The following CTNND1 variants were observed in gnomAD, a reference collection of about 807,000 sequenced individuals.
CTNND1 encodes catenin delta 1, also known as catenin delta-1.
Under a neutral mutation model 112.1 loss-of-function variants are expected in CTNND1, and 16 were observed. The observed-to-expected ratio is 0.14, with a 90% CI of 0.10 to 0.22. The LOEUF (loss-of-function observed/expected upper bound fraction) is 0.22. CTNND1 is among the 10% of genes least tolerant of loss of function. CTNND1 has a pLI of 1.00. For missense variants in CTNND1, 1,008 were observed against 1,257.0 expected, an observed-to-expected ratio of 0.80 and a Z score of 3.00; for synonymous variants, 420 against 446.5, an observed-to-expected ratio of 0.94 and a Z score of 0.75.
chr11:57,789,038 T>G lies in CTNND1; in HGVS notation c.-212T>G. The stretch of plus-strand genomic sequence containing the variant: ...TTTTTCCTTCAAATATTTCTGCAGC[T>G]CTCTCCTTCCTGCTTCCTCCTTGCT... On this transcript the variant is annotated splice_region_variant and 5_prime_UTR_variant, in exon 2 of 21. Coordinates refer to ENST00000399050, the MANE Select transcript of CTNND1 (RefSeq NM_001085458.2). The G allele has an allele frequency of 6.5e-7, 1 of 1,534,114 alleles. No homozygotes were observed. The highest frequency in any genetic ancestry group is 8.7e-7 in the Non-Finnish European group (1 of 1,145,370).
At chr11:57,781,388 C>G (rs1338570734) in intron 1 of CTNND1, among the ~76,000 whole-genome samples, 1 of 152,046 alleles carries the variant, frequency 6.6e-6, no homozygotes, top group African/African-American at 2.4e-5. Flanking sequence ...TAGGATTTCT[C>G]TTTTATGACA....
intron 1 of CTNND1, among the ~76,000 whole-genome samples, chr11:57,780,071 T>TTTTTG (rs58673483): frequency 0.56 from 72,231 of 129,218 alleles, 21,004 homozygotes; most frequent in East Asian, 0.84. Flanking sequence ...TTTTTTTTTT[T>TTTTTG]GAGACAGGGT....
intron 1 of CTNND1, among the ~76,000 whole-genome samples, chr11:57,787,745 CT>C (rs1323113701): frequency 6.6e-6 from 1 of 152,198 alleles, no homozygotes; most frequent in Non-Finnish European, 1.5e-5. Context: ...GGCAGAATAT[CT>C]CCCCATGCTT....
intron 17 of CTNND1, among the ~76,000 whole-genome samples, chr11:57,813,352 G>T (rs1365816020): frequency 2.0e-5 from 3 of 152,128 alleles, no homozygotes; most frequent in Non-Finnish European, 2.9e-5. Flanking sequence ...AATGAAAAAA[G>T]ACTTTTCTAA....
At chr11:57,815,271 T>G (rs1009074551) in intron 18 of CTNND1, 123 bp from the exon 19 acceptor site, 22 of 606,990 alleles carry the variant, frequency 3.6e-5, no homozygotes, top group Non-Finnish European at 4.8e-5. Context: ...CTTTAATGCC[T>G]TTGTGGAGCA....
chr11:57,795,766 G>C, intron 5 of CTNND1, 37 bp downstream of exon 5: 1 of 1,535,328 alleles, frequency 6.5e-7, no homozygotes, highest in Non-Finnish European at 8.7e-7. Context: ...GAAGTGATAA[G>C]AGGTCTTTTC....
chr11:57,808,305 A>G lies in CTNND1; in HGVS notation c.2091+13A>G, dbSNP rs1052219303. The G allele has an allele frequency of 1.9e-6, 3 of 1,604,054 alleles. No individual in the cohort carries two copies. In the African/African-American group the frequency reaches 4.0e-5, roughly 21 times the overall value. ...TGGGCGCTGGACGGTACCTTTTAGA[A>G]AAGGGATTTGGAGATGGGAAAACTT... is the stretch of plus-strand genomic sequence containing the variant. On this transcript the variant is annotated intron_variant, in intron 13 of 20. Coordinates refer to ENST00000399050, the MANE Select transcript of CTNND1 (RefSeq NM_001085458.2).
chr11:57,797,830 G>A (rs1477854501), intron 6 of CTNND1, among the ~76,000 whole-genome samples: 5 of 70,450 alleles, frequency 7.1e-5, no homozygotes, highest in South Asian at 5.8e-4. Flanking sequence ...CAACAAGAGC[G>A]AAACTCCACC....
intron 18 of CTNND1, 59 bp from the exon 19 acceptor site, chr11:57,815,335 A>G: frequency 1.0e-6 from 1 of 1,001,840 alleles, no homozygotes; most frequent in Non-Finnish European, 1.5e-6. Flanking sequence ...TCTGTTTGAT[A>G]TACGTTTTAC....
At chr11:57,768,802 A>G (rs1407373912) in intron 1 of CTNND1, among the ~76,000 whole-genome samples, 1 of 152,138 alleles carries the variant, frequency 6.6e-6, no homozygotes, top group Non-Finnish European at 1.5e-5. Flanking sequence ...GTCAGCTTTT[A>G]TATGTGGAAA....
intron 6 of CTNND1, among the ~76,000 whole-genome samples, chr11:57,800,966 TGTGATG>T (rs2061961957): frequency 6.6e-6 from 1 of 152,236 alleles, no homozygotes; most frequent in Non-Finnish European, 1.5e-5. Context: ...GCTTCCCAAA[TGTGATG>T]TTGGTGAATA....
chr11:57,815,867 A>C, intron 19 of CTNND1, 48 bp from the exon 20 acceptor site: 1 of 1,508,256 alleles, frequency 6.6e-7, no homozygotes, highest in South Asian at 1.2e-5. Flanking sequence ...GCACACACTC[A>C]TGAGGTTCCT....
At position 57,796,502 on chromosome 11, in the gene CTNND1, G is replaced by C; in HGVS notation, c.466G>C (p.Val156Leu). The change falls in exon 6 of 21, where the codon GTC becomes CTC. Residue 156 changes from valine (V) to leucine (L), a missense_variant. By Grantham distance (32) the Val-to-Leu change is conservative (BLOSUM62 1). Transcript: ENST00000399050. ...TGTGACAACACGGACAGTACAGCCA[G>C]TCGCTATGGGACCAGACGGGTTGCC... ...KTVTTRTVQP[V>L]AMGPDGLPVD... 6.2e-7 allele frequency: 1 copy of C among 1,613,802 alleles called. No homozygotes were observed. Among genetic ancestry groups the C allele is most frequent in the Non-Finnish European group, 8.5e-7 (1 of 1,179,792 alleles).
At position 57,805,601 on chromosome 11, in the gene CTNND1, T is replaced by G. The variant is rs140831089; in HGVS notation, c.1723-281T>G. On this transcript the variant is annotated intron_variant, in intron 9 of 20. Transcript: ENST00000399050. ...GTATTTTAAAGCTGCTTAGCTGTCT[T>G]CCAAAATTGTACATTGTCTAAGTAG... Among the ~76,000 whole-genome samples, 23 of 152,198 alleles carry G rather than the reference T, an allele frequency of 1.5e-4. No homozygotes were observed. In the East Asian group the frequency reaches 4.4e-3, roughly 29 times the overall value.
intron 6 of CTNND1, among the ~76,000 whole-genome samples, chr11:57,799,982 T>A (rs1245300007): frequency 1.9e-4 from 18 of 92,870 alleles, no homozygotes; most frequent in African/African-American, 5.5e-4. Flanking sequence ...TTTCCGTGTT[T>A]TTTTTTTTTT....
rs71470294 is a variant in CTNND1 at position 57,807,605 on chromosome 11, C to CAAA, written c.1964-536_1964-534dup. Among the ~76,000 whole-genome samples, 15 of 29,220 alleles carry CAAA rather than the reference C, an allele frequency of 5.1e-4. 1 individual carries two copies. The highest frequency in any genetic ancestry group is 7.9e-4 in the Non-Finnish European group (13 of 16,532). The allele number at this position is 29,220 out of a possible 152,430, so 19.2% of individuals were successfully genotyped here. On this transcript the variant is annotated intron_variant, in intron 12 of 20. Transcript: ENST00000399050. ...TGGGCGACAGATAGAAACTCCGTCT[C>CAAA]AAAAAAAAAAAAAAAAAAAAAAAAA...
At chr11:57,805,094 T>C (rs1208425515) in intron 9 of CTNND1, among the ~76,000 whole-genome samples, 2 of 152,146 alleles carry the variant, frequency 1.3e-5, no homozygotes, top group Admixed American at 6.5e-5. Context: ...AGACGGGGTT[T>C]CACCATGTTG....
chr11:57,811,497 C>T lies in CTNND1; in HGVS notation c.2638+11C>T. The T allele has an allele frequency of 6.3e-7, 1 of 1,582,712 alleles. No individual in the cohort carries two copies. Among genetic ancestry groups the T allele is most frequent in the Non-Finnish European group, 8.7e-7 (1 of 1,152,660 alleles). ...GGAACCAAAAATCAGGTGCAGTATC[C>T]AGAAGGCACACCCTCTCCTTTTAGC... On this transcript the variant is annotated intron_variant, in intron 17 of 20. Coordinates refer to ENST00000399050, the MANE Select transcript of CTNND1 (RefSeq NM_001085458.2).
intron 17 of CTNND1, among the ~76,000 whole-genome samples, chr11:57,812,253 C>T (rs992565250): frequency 6.6e-6 from 1 of 152,218 alleles, no homozygotes; most frequent in African/African-American, 2.4e-5. Flanking sequence ...GGTGTGGTAG[C>T]TCATGCCTGT....
Sources: gnomAD v4.1 joint callset for allele counts (sites outside exome capture counted in the v4.1 genomes callset) on GRCh38, gnomAD v4.1.1 for gene constraint, MANE v1.5 for transcripts, NCBI Gene and HGNC (gene_info 2026-07-23, HGNC 2026-07-21) for gene names.